The following IBTK variants were observed in gnomAD, a reference collection of about 807,000 sequenced individuals.
The protein encoded by IBTK is BTK-binding protein.
A neutral mutation model predicts 154.9 loss-of-function variants in IBTK; 83 were observed. The ratio of observed to expected loss-of-function variants is 0.54; its 90% CI spans 0.45 to 0.64. The LOEUF (loss-of-function observed/expected upper bound fraction) is 0.64. Among genes scored for constraint, IBTK ranks in the 30% least tolerant of loss-of-function variants. IBTK has a pLI of 0.00. For synonymous variants in IBTK, 515 were observed against 536.1 expected (o/e 0.96, Z 0.54); for missense variants, 1,332 against 1,584.6 (o/e 0.84, Z 2.71).
At position 82,182,017 on chromosome 6, in the gene IBTK, A is replaced by T. The variant is rs1421743250; in HGVS notation, c.3587T>A (p.Leu1196Gln). 1 of 1,598,160 alleles carries T rather than the reference A, an allele frequency of 6.3e-7. No individual in the cohort carries two copies. Among genetic ancestry groups the T allele is most frequent in the Non-Finnish European group, 8.5e-7 (1 of 1,176,986 alleles). Residue 1196 changes from leucine to glutamine, a missense_variant, in exon 26 of 29, where the codon CTG becomes CAG. Leu to Gln is a moderately radical substitution (Grantham distance 113). Transcript: ENST00000306270. The stretch of plus-strand genomic sequence containing the variant: ...GAATGACTTGGATGAAACTGAATGC[A>T]GAGAAGATGCCCTGCAAAAGAAAGC... ...PKPVNAWASS[L>Q]HSVSSKSFRD...
Position 82,240,534 on chromosome 6 carries a change from TAAAAAATGA to T in IBTK, c.-57_-49del, listed in dbSNP as rs765128727. On this transcript the variant is annotated 5_prime_UTR_variant, in exon 2 of 29. Transcript: ENST00000306270. ...ACTTCAGAATCGTGAAAACTAATTT[TAAAAAATGA>T]AAAAGCCAGGACACAAAGGTGCTAT... 1 of 1,509,100 alleles carries T rather than the reference TAAAAAATGA, an allele frequency of 6.6e-7. No individual in the cohort carries two copies. The highest frequency in any genetic ancestry group is 8.9e-7 in the Non-Finnish European group (1 of 1,118,346). 93.5% of individuals were successfully genotyped at this position (1,509,100 alleles called of 1,614,324 possible). A position where few individuals can be genotyped will look rare whatever the true frequency, so the allele number is the denominator to read the frequency against.
intron 1 of IBTK, among the ~76,000 whole-genome samples, chr6:82,241,763 A>G (rs1011955589): frequency 3.9e-5 from 6 of 152,234 alleles, no homozygotes; most frequent in African/African-American, 9.6e-5. Context: ...GCCTCAATAT[A>G]TATGGTCTTT....
chr6:82,236,564 A>G (rs1383799769), intron 2 of IBTK, among the ~76,000 whole-genome samples: 5 of 152,242 alleles, frequency 3.3e-5, no homozygotes, highest in Non-Finnish European at 7.3e-5. Context: ...AAAGAGCTAC[A>G]TAAGATAATC....
At chr6:82,177,906 T>C (rs1007539232) in intron 26 of IBTK, among the ~76,000 whole-genome samples, 3 of 152,296 alleles carry the variant, frequency 2.0e-5, no homozygotes, top group African/African-American at 7.2e-5. Flanking sequence ...TGTATATTAA[T>C]ATTTATCAAC....
intron 2 of IBTK, among the ~76,000 whole-genome samples, chr6:82,236,282 G>A (rs1001921704): frequency 7.9e-5 from 12 of 152,162 alleles, no homozygotes; most frequent in Non-Finnish European, 1.8e-4. Context: ...AATATCCCTA[G>A]CACCTGGATT....
rs948455327 is a variant in IBTK at position 82,170,111 on chromosome 6, G to A, written c.*1314C>T. 6 of 152,124 alleles carry A rather than the reference G, an allele frequency of 3.9e-5. No individual in the cohort carries two copies. The highest frequency in any genetic ancestry group is 1.9e-4 in the East Asian group (1 of 5,200). 9.4% of individuals were successfully genotyped at this position (152,124 alleles called of 1,614,324 possible). ...TTTAGAAAACTGCCTTTTTAAATCC[G>A]TCTTAGAATAAATACAGCATCAACT... On this transcript the variant is annotated 3_prime_UTR_variant, in exon 29 of 29. Transcript: ENST00000306270.
intron 1 of IBTK, among the ~76,000 whole-genome samples, chr6:82,246,434 C>A (rs1771145055): frequency 1.7e-5 from 2 of 119,666 alleles, no homozygotes; most frequent in Admixed American, 8.5e-5. Context: ...GCTGGGATTA[C>A]AGGCATCTTT....
intron 8 of IBTK, among the ~76,000 whole-genome samples, chr6:82,221,878 C>T (rs1770113378): frequency 6.6e-6 from 1 of 152,086 alleles, no homozygotes; most frequent in African/African-American, 2.4e-5. Context: ...TCAAAAGTAA[C>T]TTTCTGCCAG....
At chr6:82,179,324 G>A (rs868826309) in intron 26 of IBTK, among the ~76,000 whole-genome samples, 2 of 152,094 alleles carry the variant, frequency 1.3e-5, no homozygotes, top group Non-Finnish European at 2.9e-5. Flanking sequence ...GTTTGATTTT[G>A]GTTTTATGAG....
At chr6:82,231,160 C>G (rs1217817444) in intron 4 of IBTK, among the ~76,000 whole-genome samples, 1 of 152,110 alleles carries the variant, frequency 6.6e-6, no homozygotes, top group Non-Finnish European at 1.5e-5. Flanking sequence ...AACTCTATAG[C>G]CTTTCCAGAC....
intron 6 of IBTK, 75 bp downstream of exon 6, chr6:82,225,402 A>G: frequency 8.6e-7 from 1 of 1,156,536 alleles, no homozygotes; most frequent in Admixed American, 2.3e-5. Flanking sequence ...TGCTCTGTCA[A>G]TAACTTACAT....
chr6:82,199,176 G>T (rs968166877), intron 21 of IBTK, among the ~76,000 whole-genome samples: 6 of 152,046 alleles, frequency 3.9e-5, no homozygotes, highest in Non-Finnish European at 5.9e-5. Flanking sequence ...GTATTCGGGG[G>T]AAAAGTATCA....
chr6:82,244,665 A>C (rs1178059123), intron 1 of IBTK, among the ~76,000 whole-genome samples: 1 of 152,196 alleles, frequency 6.6e-6, no homozygotes. Flanking sequence ...TATTTGCCCT[A>C]AACTCCAGGC....
rs565792598 is a variant in IBTK at position 82,171,470 on chromosome 6, C to A, written c.4017G>T (p.Pro1339=). The A allele has an allele frequency of 1.9e-6, 3 of 1,612,972 alleles. No individual in the cohort carries two copies. The highest frequency in any genetic ancestry group is 2.5e-6 in the Non-Finnish European group (3 of 1,179,346). The change falls in exon 29 of 29, where the codon CCG becomes CCT. Residue 1339 remains proline (P), a synonymous_variant. Coordinates refer to ENST00000306270, the MANE Select transcript of IBTK (RefSeq NM_015525.4). ...ACATAGGTACTGCCAGTGGTCCCTG[C>A]GGTGTCCTTTCAACAATGACAAACT... ...PEEFVIVERT[P]QGPLAVPMWN... is the part of the protein sequence containing the mutation.
chr6:82,199,109 A>T (rs1160835097), intron 21 of IBTK, among the ~76,000 whole-genome samples: 3 of 152,194 alleles, frequency 2.0e-5, no homozygotes, highest in Admixed American at 1.3e-4. Flanking sequence ...CTCAGGTATG[A>T]TAATGGTATT....
At chr6:82,234,293 ATAT>A (rs760122449) in intron 2 of IBTK, 38 bp from the exon 3 acceptor site, 4 of 749,890 alleles carry the variant, frequency 5.3e-6, no homozygotes, top group East Asian at 3.5e-5. Flanking sequence ...AAATATATAT[ATAT>A]TATTAATTAC....
intron 8 of IBTK, among the ~76,000 whole-genome samples, chr6:82,222,010 CA>C (rs1028702689): frequency 3.3e-5 from 5 of 151,546 alleles, no homozygotes; most frequent in Admixed American, 6.6e-5. Context: ...ACTAAAAATA[CA>C]AAAAAAATTA....
chr6:82,213,141 C>A (rs1445160970), intron 12 of IBTK, among the ~76,000 whole-genome samples: 3 of 152,064 alleles, frequency 2.0e-5, no homozygotes, highest in Non-Finnish European at 4.4e-5. Flanking sequence ...GAATCTCCTG[C>A]CTCAGCCAAC....
At chr6:82,172,922 T>C (rs1019419800) in intron 27 of IBTK, 20 of 195,016 alleles carry the variant, frequency 1.0e-4, no homozygotes, top group African/African-American at 4.7e-4. Context: ...TAACTCAAAC[T>C]ACAGTACGGA....
Sources: allele counts gnomAD v4.1 joint callset (sites outside exome capture counted in the v4.1 genomes callset), GRCh38; gene constraint gnomAD v4.1.1; transcripts MANE v1.5; gene names NCBI Gene and HGNC (gene_info 2026-07-23, HGNC 2026-07-21).